SLC71A2: variants seen among roughly 807,000 people sequenced by gnomAD.
SLC71A2 encodes solute carrier family 71 member 2.
chr9:94,399,759 G>A, the SLC71A2 span, among the ~76,000 whole-genome samples: 6 of 151,446 alleles, frequency 4.0e-5, no homozygotes, highest in Admixed American at 3.9e-4. Context: ...CTTGTTTCTC[G>A]CCACACAGAA....
At chr9:94,448,728 G>A in the SLC71A2 span, among the ~76,000 whole-genome samples, 1 of 152,156 alleles carries the variant, frequency 6.6e-6, no homozygotes, top group Non-Finnish European at 1.5e-5. Flanking sequence ...TGTCTCCTGG[G>A]TTCAAGAAAT....
chr9:94,405,971 G>A, the SLC71A2 span, among the ~76,000 whole-genome samples: 9 of 149,794 alleles, frequency 6.0e-5, no homozygotes, highest in African/African-American at 2.0e-4. Flanking sequence ...ATTTCTTTCA[G>A]CAGTGTCTTA....
At chr9:94,443,732 C>T in the SLC71A2 span, among the ~76,000 whole-genome samples, 4 of 152,204 alleles carry the variant, frequency 2.6e-5, no homozygotes, top group African/African-American at 9.6e-5. Context: ...GATGCTGCAG[C>T]AGTGCCCCCT....
chr9:94,415,169 T>A, the SLC71A2 span: 1 of 1,613,652 alleles, frequency 6.2e-7, no homozygotes. Context: ...TACAAGGCTT[T>A]GGCCGACCAA....
At chr9:94,379,153 C>A in the SLC71A2 span, among the ~76,000 whole-genome samples, 1 of 147,210 alleles carries the variant, frequency 6.8e-6, no homozygotes, top group Non-Finnish European at 1.5e-5. Flanking sequence ...ATGGTGTGAT[C>A]TTGGCTCACT....
the SLC71A2 span, among the ~76,000 whole-genome samples, chr9:94,420,043 C>T: frequency 2.9e-4 from 44 of 152,230 alleles, no homozygotes; most frequent in African/African-American, 1.0e-3. Context: ...TTCAGTTCTT[C>T]CCTGGCTTTT....
At chr9:94,384,151 T>G in the SLC71A2 span, among the ~76,000 whole-genome samples, 1 of 152,156 alleles carries the variant, frequency 6.6e-6, no homozygotes, top group Non-Finnish European at 1.5e-5. Context: ...AACAACTCCA[T>G]TTTTTGCCAT....
At chr9:94,404,653 G>A in the SLC71A2 span, among the ~76,000 whole-genome samples, 1 of 151,978 alleles carries the variant, frequency 6.6e-6, no homozygotes, top group Non-Finnish European at 1.5e-5. Flanking sequence ...TTTTAGAGAG[G>A]GCTATTCAGT....
At chr9:94,396,443 AG>A in the SLC71A2 span, among the ~76,000 whole-genome samples, 1 of 152,252 alleles carries the variant, frequency 6.6e-6, no homozygotes, top group African/African-American at 2.4e-5. Context: ...TGAACCCAGG[AG>A]GCGGAGGTTG....
the SLC71A2 span, among the ~76,000 whole-genome samples, chr9:94,416,558 TAA>T: frequency 2.0e-5 from 3 of 152,176 alleles, no homozygotes; most frequent in African/African-American, 4.8e-5. Context: ...CTGGCACAGT[TAA>T]AATACAGTTT....
chr9:94,457,236 A>G, the SLC71A2 span, among the ~76,000 whole-genome samples: 79 of 152,238 alleles, frequency 5.2e-4, no homozygotes, highest in Middle Eastern at 0.01. Context: ...TGCTGAGATT[A>G]CAGGTGTGAG....
the SLC71A2 span, among the ~76,000 whole-genome samples, chr9:94,428,600 CTT>C: frequency 0.017 from 1,681 of 98,316 alleles, 58 homozygotes; most frequent in African/African-American, 0.057. Flanking sequence ...ACCCCCCCCC[CTT>C]TTTTTTTTTT....
At chr9:94,433,153 G>A in the SLC71A2 span, 3 of 268,870 alleles carry the variant, frequency 1.1e-5, no homozygotes, top group Non-Finnish European at 2.3e-5. Context: ...TTGCCGTGCA[G>A]GCCAGGCCAT....
chr9:94,429,910 T>TTA, the SLC71A2 span, among the ~76,000 whole-genome samples: 2 of 84,458 alleles, frequency 2.4e-5, no homozygotes, highest in Non-Finnish European at 4.8e-5. Context: ...CTTTATTTTA[T>TTA]TTTTTTTTTT....
At chr9:94,454,640 A>T in the SLC71A2 span, among the ~76,000 whole-genome samples, 78 of 152,248 alleles carry the variant, frequency 5.1e-4, 1 homozygote, top group Middle Eastern at 0.017. Flanking sequence ...CTGGGATTAC[A>T]GGCGTGAGCC....
At chr9:94,438,567 T>C in the SLC71A2 span, 3 of 1,603,002 alleles carry the variant, frequency 1.9e-6, no homozygotes, top group South Asian at 2.2e-5. Context: ...CTGCTTGTTT[T>C]GAGTCACATG....
chr9:94,399,240 C>T, the SLC71A2 span, among the ~76,000 whole-genome samples: 5 of 152,150 alleles, frequency 3.3e-5, no homozygotes, highest in South Asian at 4.1e-4. Flanking sequence ...AGATACTCCA[C>T]GCTCCTCTTA....
the SLC71A2 span, chr9:94,374,969 G>A: frequency 1.6e-6 from 2 of 1,227,974 alleles, no homozygotes; most frequent in Non-Finnish European, 1.0e-6. Flanking sequence ...ATCCCGGGGA[G>A]GCTGGGTGGG....
chr9:94,422,404 C>T, the SLC71A2 span, among the ~76,000 whole-genome samples: 3 of 152,242 alleles, frequency 2.0e-5, no homozygotes, highest in Non-Finnish European at 4.4e-5. Context: ...AGTCTATTGA[C>T]ACAAATCCAT....
Sources: allele counts gnomAD v4.1 joint callset (sites outside exome capture counted in the v4.1 genomes callset), GRCh38; gene constraint gnomAD v4.1.1; transcripts MANE v1.5; gene names NCBI Gene and HGNC (gene_info 2026-07-23, HGNC 2026-07-21).